The following FRMD3 variants were observed in gnomAD, a reference collection of about 807,000 sequenced individuals.
The protein encoded by FRMD3 is FERM domain containing 3, also known as FERM domain-containing protein 3.
In FRMD3, 33 loss-of-function variants were observed where a neutral mutation model predicts 70.2. The ratio of observed to expected loss-of-function variants is 0.47; its 90% CI spans 0.36 to 0.63. FRMD3 has a LOEUF of 0.63. FRMD3 is among the 20% of genes least tolerant of loss of function. The pLI is 0.00. For missense variants in FRMD3, 632 were observed against 711.4 expected, an observed-to-expected ratio of 0.89 and a Z score of 1.27; for synonymous variants, 279 against 255.9, an observed-to-expected ratio of 1.09 and a Z score of -0.86.
intron 1 of FRMD3, among the ~76,000 whole-genome samples, chr9:83,406,201 C>G (rs1826098147): frequency 6.6e-6 from 1 of 152,122 alleles, no homozygotes; most frequent in Non-Finnish European, 1.5e-5. Context: ...GTCACTAACA[C>G]CAATCTTCCC....
chr9:83,358,235 G>A (rs1824467707), intron 3 of FRMD3, among the ~76,000 whole-genome samples: 1 of 152,146 alleles, frequency 6.6e-6, no homozygotes, highest in Non-Finnish European at 1.5e-5. Flanking sequence ...TTGATCAGTT[G>A]GCTGTAAGTA....
chr9:83,309,161 G>T (rs577153477), intron 10 of FRMD3, among the ~76,000 whole-genome samples: 4 of 151,872 alleles, frequency 2.6e-5, no homozygotes, highest in Admixed American at 6.6e-5. Context: ...TAAGCTACTT[G>T]TACCAAACTA....
In FRMD3 at chr9:83,336,010, T is replaced by C. The variant is rs1347817467; in HGVS notation, c.473-371A>G. 5.9e-5 allele frequency among the ~76,000 whole-genome samples: 9 copies of C among 152,304 alleles called. No individual in the cohort carries two copies. In the South Asian group the frequency reaches 1.9e-3, roughly 32 times the overall value. ...GCTCTACCCTTCAGGTACTAGATGC[T>C]AGCAGCAGACCCAGGCACTGTGACC... On this transcript the variant is annotated intron_variant, in intron 5 of 13. Coordinates refer to ENST00000304195, the MANE Select transcript of FRMD3 (RefSeq NM_174938.6).
intron 1 of FRMD3, among the ~76,000 whole-genome samples, chr9:83,440,784 G>A (rs1404324504): frequency 1.3e-5 from 2 of 152,202 alleles, no homozygotes; most frequent in African/African-American, 4.8e-5. Flanking sequence ...AGGAATAGGG[G>A]CCTGTGCCTT....
chr9:83,375,640 T>C (rs948073002), intron 2 of FRMD3, among the ~76,000 whole-genome samples: 2 of 152,138 alleles, frequency 1.3e-5, no homozygotes, highest in African/African-American at 4.8e-5. Context: ...ATACCACATG[T>C]TCTCACTTAT....
intron 1 of FRMD3, among the ~76,000 whole-genome samples, chr9:83,419,424 T>C (rs1826557164): frequency 6.6e-6 from 1 of 151,932 alleles, no homozygotes; most frequent in South Asian, 2.1e-4. Flanking sequence ...ATAGGCATCA[T>C]GATCTTGAGG....
At chr9:83,553,346 T>A in the FRMD3 span, among the ~76,000 whole-genome samples, 2 of 152,340 alleles carry the variant, frequency 1.3e-5, no homozygotes, top group African/African-American at 4.8e-5. Context: ...GATCAGCTGT[T>A]AACCTCATGG....
intron 13 of FRMD3, among the ~76,000 whole-genome samples, chr9:83,283,899 T>G (rs189964851): frequency 1.3e-5 from 2 of 152,344 alleles, no homozygotes; most frequent in East Asian, 1.9e-4. Context: ...GTTCAACTTC[T>G]GATGTGTTTT....
chr9:83,451,118 CATAAA>C (rs1827641540), intron 1 of FRMD3, among the ~76,000 whole-genome samples: 1 of 151,954 alleles, frequency 6.6e-6, no homozygotes, highest in Non-Finnish European at 1.5e-5. Context: ...TGGAATTTTT[CATAAA>C]GAGTTTTTCA....
rs142799683 is a variant in FRMD3 at position 83,510,145 on chromosome 9, G to T, written c.147+27940C>A. 4.0e-3 allele frequency among the ~76,000 whole-genome samples: 603 copies of T among 152,318 alleles called. 7 individuals are homozygous for T. The highest frequency in any genetic ancestry group is 0.014 in the African/African-American group (574 of 41,578). ...CAGATGAAAGAGGTTTCAGCATGAAGATGCCCCATAGTCTTGAGGCAGCCT... is the reference window on the plus strand; with the variant it reads ...CAGATGAAAGAGGTTTCAGCATGAATATGCCCCATAGTCTTGAGGCAGCCT... On this transcript the variant is annotated intron_variant, in intron 1 of 13. Transcript: ENST00000304195.
At chr9:83,500,728 G>C (rs1036043762) in intron 1 of FRMD3, among the ~76,000 whole-genome samples, 1 of 152,130 alleles carries the variant, frequency 6.6e-6, no homozygotes, top group South Asian at 2.1e-4. Context: ...AAAAAATGTT[G>C]CCAAATTAAT....
intron 1 of FRMD3, among the ~76,000 whole-genome samples, chr9:83,431,013 G>A (rs1030602651): frequency 1.2e-4 from 18 of 152,202 alleles, no homozygotes; most frequent in African/African-American, 4.3e-4. Context: ...TTGTAATTCC[G>A]TGGTATTAGA....
At chr9:83,344,496 G>T (rs1001959368) in intron 4 of FRMD3, among the ~76,000 whole-genome samples, 1 of 152,186 alleles carries the variant, frequency 6.6e-6, no homozygotes, top group Non-Finnish European at 1.5e-5. Context: ...ACCCTCCCCA[G>T]TGTGAGTGGA....
intron 1 of FRMD3, among the ~76,000 whole-genome samples, chr9:83,397,197 G>GT (rs1279837944): frequency 2.6e-5 from 4 of 152,178 alleles, no homozygotes; most frequent in African/African-American, 9.7e-5. Context: ...TAAAGGTCTG[G>GT]TTGGCTTCTC....
intron 2 of FRMD3, among the ~76,000 whole-genome samples, chr9:83,378,726 AAT>A (rs528062365): frequency 0.16 from 15,065 of 91,422 alleles, 1,155 homozygotes; most frequent in East Asian, 0.3. Context: ...TATTATATAT[AAT>A]ATATATACTT....
At chr9:83,406,386 C>T (rs144212338) in intron 1 of FRMD3, among the ~76,000 whole-genome samples, 1 of 152,264 alleles carries the variant, frequency 6.6e-6, no homozygotes, top group Non-Finnish European at 1.5e-5. Context: ...GTCTGGAGGA[C>T]CAGTTGGGTA....
chr9:83,464,874 G>T (rs1329786037), intron 1 of FRMD3, among the ~76,000 whole-genome samples: 1 of 152,030 alleles, frequency 6.6e-6, no homozygotes, highest in Non-Finnish European at 1.5e-5. Context: ...AAAAAAATTA[G>T]CCAGGCTTGG....
At chr9:83,431,651 T>C (rs1020478992) in intron 1 of FRMD3, among the ~76,000 whole-genome samples, 1 of 152,212 alleles carries the variant, frequency 6.6e-6, no homozygotes, top group Non-Finnish European at 1.5e-5. Context: ...GCTGAAGGTA[T>C]AAAGGTGTCA....
chr9:83,267,288 T>C (rs183642714), intron 13 of FRMD3: 2,251 of 1,474,854 alleles, frequency 1.5e-3, no homozygotes, highest in Non-Finnish European at 1.8e-3. Context: ...AAATAACTCA[T>C]GAGGGATCAG....
Sources: gnomAD v4.1 joint callset for allele counts (sites outside exome capture counted in the v4.1 genomes callset) on GRCh38, gnomAD v4.1.1 for gene constraint, MANE v1.5 for transcripts, NCBI Gene and HGNC (gene_info 2026-07-23, HGNC 2026-07-21) for gene names.